PTPN4: variants seen among roughly 807,000 people sequenced by gnomAD.
PTPN4 encodes the protein tyrosine-protein phosphatase non-receptor type 4.
A neutral mutation model predicts 135.5 loss-of-function variants in PTPN4; 49 were observed. The ratio of observed to expected loss-of-function variants is 0.36; its 90% CI spans 0.29 to 0.46. The LOEUF (loss-of-function observed/expected upper bound fraction) is 0.46, where lower values mean the gene tolerates loss of function less well. Among genes scored for constraint, PTPN4 ranks in the 20% least tolerant of loss-of-function variants. PTPN4 has a pLI of 1.00. For synonymous variants in PTPN4, 333 were observed against 369.9 expected, an observed-to-expected ratio of 0.90 and a Z score of 1.14; for missense variants, 860 against 1,101.0, an observed-to-expected ratio of 0.78 and a Z score of 3.10.
intron 1 of PTPN4, among the ~76,000 whole-genome samples, chr2:119,776,260 A>G (rs1036087651): frequency 3.9e-5 from 6 of 152,032 alleles, no homozygotes; most frequent in Admixed American, 1.3e-4. Context: ...ACTGCAAGCT[A>G]CGCCTCCTGG....
intron 19 of PTPN4, among the ~76,000 whole-genome samples, chr2:119,953,154 A>G (rs911134398): frequency 6.6e-6 from 1 of 152,146 alleles, no homozygotes; most frequent in African/African-American, 2.4e-5. Flanking sequence ...TTATATGTCT[A>G]ATATCCCAGG....
At chr2:119,932,624 C>T (rs1678922678) in intron 14 of PTPN4, 75 bp downstream of exon 14, 8 of 1,437,660 alleles carry the variant, frequency 5.6e-6, no homozygotes, top group Middle Eastern at 3.6e-4. Flanking sequence ...TATTTTTATG[C>T]CTGAAGACAA....
chr2:119,780,001 C>T (rs1690909227), intron 1 of PTPN4, among the ~76,000 whole-genome samples: 3 of 152,156 alleles, frequency 2.0e-5, no homozygotes, highest in South Asian at 2.1e-4. Flanking sequence ...CCTCCTTGGC[C>T]TCTTAAAGTG....
chr2:119,896,593 C>G (rs1678327448), intron 9 of PTPN4, among the ~76,000 whole-genome samples: 1 of 152,132 alleles, frequency 6.6e-6, no homozygotes, highest in African/African-American at 2.4e-5. Context: ...GCCATTTATG[C>G]TGGATGCCTA....
At chr2:119,875,481 A>C (rs992503538) in intron 3 of PTPN4, among the ~76,000 whole-genome samples, 1 of 152,164 alleles carries the variant, frequency 6.6e-6, no homozygotes, top group African/African-American at 2.4e-5. Context: ...ATTAAAGTGG[A>C]TATAATTTAT....
intron 19 of PTPN4, among the ~76,000 whole-genome samples, chr2:119,952,834 C>G (rs113096651): frequency 0.023 from 3,525 of 152,286 alleles, 127 homozygotes; most frequent in African/African-American, 0.077. Context: ...ACAACAACCT[C>G]AAGAACATTC....
chr2:119,810,149 A>G (rs1691552626), intron 2 of PTPN4, among the ~76,000 whole-genome samples, 158 bp downstream of exon 2: 1 of 152,202 alleles, frequency 6.6e-6, no homozygotes, highest in Non-Finnish European at 1.5e-5. Context: ...GCATGCTCTC[A>G]TTCAAACTGG....
rs1274420109 is a variant in PTPN4 at position 119,977,707 on chromosome 2, A to G, written c.*637A>G. 1 of 152,040 alleles carries G rather than the reference A, an allele frequency of 6.6e-6. No individual in the cohort carries two copies. Among genetic ancestry groups the G allele is most frequent in the Non-Finnish European group, 1.5e-5 (1 of 68,014 alleles). 9.4% of individuals were successfully genotyped at this position (152,040 alleles called of 1,614,324 possible). On this transcript the variant is annotated 3_prime_UTR_variant, in exon 27 of 27. Coordinates refer to ENST00000263708, the MANE Select transcript of PTPN4 (RefSeq NM_002830.4). ...TAGAAAATATAAATATGAATCTACA[A>G]ATTCTCTTGGATTTAATAATGTAAC...
chr2:119,895,539 C>A (rs1276388283), intron 9 of PTPN4, among the ~76,000 whole-genome samples: 1 of 151,972 alleles, frequency 6.6e-6, no homozygotes, highest in Non-Finnish European at 1.5e-5. Flanking sequence ...ACTCAGGAGG[C>A]TGAGGCAGGA....
Position 119,966,164 on chromosome 2 carries a change from G to C in PTPN4, c.2558+519G>C, listed in dbSNP as rs1679442732. Among the ~76,000 whole-genome samples the C allele has an allele frequency of 2.6e-5, 4 of 152,272 alleles. No individual in the cohort carries two copies. In the South Asian group the frequency reaches 8.3e-4, roughly 32 times the overall value. Reference sequence around the variant, plus strand: ...ATGAATACTGTTTCCCCACATGCTAGAAGGGACAGAAGGGGTGAACCCACT... The same window carrying C: ...ATGAATACTGTTTCCCCACATGCTACAAGGGACAGAAGGGGTGAACCCACT... On this transcript the variant is annotated intron_variant, in intron 25 of 26. Transcript: ENST00000263708.
At chr2:119,808,316 A>T (rs1691518212) in intron 1 of PTPN4, among the ~76,000 whole-genome samples, 1 of 152,208 alleles carries the variant, frequency 6.6e-6, no homozygotes, top group Admixed American at 6.5e-5. Context: ...ATGATTGTAT[A>T]TATAGAAAAC....
intron 9 of PTPN4, among the ~76,000 whole-genome samples, chr2:119,891,296 G>T (rs942711423): frequency 6.6e-6 from 1 of 151,996 alleles, no homozygotes; most frequent in African/African-American, 2.4e-5. Context: ...TTTTTTCAGT[G>T]AATTCTACAG....
At chr2:119,808,542 A>G (rs1574345447) in intron 1 of PTPN4, among the ~76,000 whole-genome samples, 2 of 152,274 alleles carry the variant, frequency 1.3e-5, no homozygotes, top group African/African-American at 4.8e-5. Context: ...GTTCAAGGAG[A>G]ACTACAAACC....
At chr2:119,881,891 T>A in intron 6 of PTPN4, 61 bp downstream of exon 6, 1 of 1,310,978 alleles carries the variant, frequency 7.6e-7, no homozygotes, top group South Asian at 1.3e-5. Flanking sequence ...ACTTTTTAAA[T>A]CTGTGTTAAG....
chr2:119,866,169 A>G (rs541472178), intron 3 of PTPN4, among the ~76,000 whole-genome samples: 1 of 152,254 alleles, frequency 6.6e-6, no homozygotes, highest in Admixed American at 6.5e-5. Context: ...TGAGCAGTCA[A>G]AGGTGGCTTT....
At chr2:119,761,481 T>A (rs1690499419) in intron 1 of PTPN4, among the ~76,000 whole-genome samples, 1 of 152,216 alleles carries the variant, frequency 6.6e-6, no homozygotes, top group Admixed American at 6.5e-5. Flanking sequence ...AATTCAGCTT[T>A]CTTTTAAAGA....
intron 2 of PTPN4, among the ~76,000 whole-genome samples, chr2:119,828,283 C>T (rs1677173869): frequency 6.6e-6 from 1 of 152,264 alleles, no homozygotes; most frequent in African/African-American, 2.4e-5. Flanking sequence ...TGCTGTCTAA[C>T]TGTAGCCACA....
At chr2:119,784,368 C>A (rs35714743) in intron 1 of PTPN4, among the ~76,000 whole-genome samples, 12 of 146,748 alleles carry the variant, frequency 8.2e-5, no homozygotes, top group Non-Finnish European at 1.6e-4. Context: ...CAGGTGCACA[C>A]CACCATGCCC....
At position 119,783,039 on chromosome 2, in the gene PTPN4, G is replaced by A. The variant is rs114000751; in HGVS notation, c.-18+22655G>A. Among the ~76,000 whole-genome samples, 1,107 of 150,372 alleles carry A rather than the reference G, an allele frequency of 7.4e-3. 13 individuals are homozygous for A. Among genetic ancestry groups the A allele is most frequent in the African/African-American group, 0.026 (1,044 of 40,878 alleles). On this transcript the variant is annotated intron_variant, in intron 1 of 26. Transcript: ENST00000263708. ...CTAAATTCCAGATGAGTGCATCATA[G>A]TAACATCGAAATATTTGTATTTTGA... is the stretch of plus-strand genomic sequence containing the variant.
Sources: gnomAD v4.1 joint callset for allele counts (sites outside exome capture counted in the v4.1 genomes callset) on GRCh38, gnomAD v4.1.1 for gene constraint, MANE v1.5 for transcripts, NCBI Gene and HGNC (gene_info 2026-07-23, HGNC 2026-07-21) for gene names.